Variants in DEPDC1B observed in about 807,000 individuals in gnomAD.
DEPDC1B encodes the protein DEP domain containing 1B, also known as DEP domain-containing protein 1B.
A neutral mutation model predicts 66.5 loss-of-function variants in DEPDC1B; 51 were observed. The observed-to-expected ratio is 0.77, with a 90% CI of 0.61 to 0.97. The LOEUF (loss-of-function observed/expected upper bound fraction) is 0.97, where lower values mean the gene tolerates loss of function less well. Among genes scored for constraint, DEPDC1B ranks in the 50% least tolerant of loss-of-function variants. DEPDC1B has a pLI of 0.00. For missense variants in DEPDC1B, 552 were observed against 637.1 expected (o/e 0.87, Z 1.44); for synonymous variants, 226 against 223.6 (o/e 1.01, Z -0.10).
At position 60,678,290 on chromosome 5, in the gene DEPDC1B, T is replaced by C. The variant is rs1030855316; in HGVS notation, c.314+8672A>G. On this transcript the variant is annotated intron_variant, in intron 2 of 10. Transcript: ENST00000265036. ...CCTTCTGCCACCCAGCGGTGCTACA[T>C]TGTATGGATGTACAATAGTTATCCA... Among the ~76,000 whole-genome samples the C allele has an allele frequency of 7.2e-5, 11 of 152,180 alleles. No individual in the cohort carries two copies. In the South Asian group the frequency reaches 1.2e-3, roughly 17 times the overall value.
intron 2 of DEPDC1B, among the ~76,000 whole-genome samples, chr5:60,666,311 A>C (rs1753839281): frequency 6.6e-6 from 1 of 152,070 alleles, no homozygotes; most frequent in Non-Finnish European, 1.5e-5. Flanking sequence ...CTTCTAATAG[A>C]GCTATAACAC....
chr5:60,660,083 A>G (rs1252606000), intron 2 of DEPDC1B, among the ~76,000 whole-genome samples: 1 of 152,136 alleles, frequency 6.6e-6, no homozygotes, highest in African/African-American at 2.4e-5. Context: ...CTATAGTGGC[A>G]AATGGGGGCA....
chr5:60,663,615 C>CAG (rs1753770882), intron 2 of DEPDC1B, among the ~76,000 whole-genome samples: 1 of 152,206 alleles, frequency 6.6e-6, no homozygotes, highest in Admixed American at 6.5e-5. Flanking sequence ...CTCAACTCAC[C>CAG]TGGACTGTTT....
intron 7 of DEPDC1B, among the ~76,000 whole-genome samples, chr5:60,632,370 G>A (rs961398560): frequency 5.3e-5 from 8 of 152,306 alleles, no homozygotes; most frequent in African/African-American, 1.2e-4. Context: ...GGGGAAAGGC[G>A]GCTGCTGCAA....
chr5:60,687,133 T>C lies in DEPDC1B; in HGVS notation c.143A>G (p.Glu48Gly). The change falls in exon 2 of 11, where the codon GAA becomes GGA. Residue 48 changes from glutamate to glycine, a missense_variant. Physicochemically the swap from Glu to Gly is moderately conservative, Grantham distance 98. Coordinates refer to ENST00000265036, the MANE Select transcript of DEPDC1B (RefSeq NM_018369.3). ...KSYEHCFTAA[E>G]AVDWLHELLR... is the part of the protein sequence containing the mutation. ...CAGCTCATGCAGCCAATCCACAGCT[T>C]CGGCCGCTGTGAAACAATGCTCATA... is the stretch of plus-strand genomic sequence containing the variant. The C allele has an allele frequency of 6.2e-7, 1 of 1,614,176 alleles. No individual in the cohort carries two copies. The highest frequency in any genetic ancestry group is 8.5e-7 in the Non-Finnish European group (1 of 1,180,044).
At chr5:60,631,698 T>C (rs757854500) in intron 7 of DEPDC1B, among the ~76,000 whole-genome samples, 7 of 152,216 alleles carry the variant, frequency 4.6e-5, no homozygotes, top group Non-Finnish European at 8.8e-5. Context: ...TTCTATTACA[T>C]AGAATAAATT....
intron 8 of DEPDC1B, among the ~76,000 whole-genome samples, chr5:60,604,295 A>T (rs1335306217): frequency 8.0e-6 from 1 of 124,814 alleles, no homozygotes; most frequent in Non-Finnish European, 1.6e-5. Context: ...ATCTTGGCTC[A>T]CTGTAACCTC....
At chr5:60,599,302 T>C (rs2111695908) in intron 9 of DEPDC1B, 42 bp from the exon 10 acceptor site, 1 of 1,445,924 alleles carries the variant, frequency 6.9e-7, no homozygotes, top group East Asian at 2.4e-5. Flanking sequence ...TAGCATATTT[T>C]CAAATAAATT....
rs1179721903 is a variant in DEPDC1B at position 60,700,155 on chromosome 5, G to A, written c.-62C>T. The A allele has an allele frequency of 3.3e-6, 5 of 1,512,940 alleles. No homozygotes were observed. Among genetic ancestry groups the A allele is most frequent in the Non-Finnish European group, 3.5e-6 (4 of 1,134,534 alleles). 93.7% of individuals were successfully genotyped at this position (1,512,940 alleles called of 1,614,324 possible). ...CTGATCCCCGCCAGCCGGAGGAGCA[G>A]CAGTTTGAATCCCAAGCCCGCGGGC... On this transcript the variant is annotated 5_prime_UTR_variant, in exon 1 of 11. Transcript: ENST00000265036.
chr5:60,651,661 C>T (rs184204557), intron 2 of DEPDC1B, among the ~76,000 whole-genome samples: 2 of 152,028 alleles, frequency 1.3e-5, no homozygotes, highest in Admixed American at 6.6e-5. Flanking sequence ...GCAACAGGAT[C>T]GGGCAGTGAA....
At chr5:60,685,865 C>T (rs1209852270) in intron 2 of DEPDC1B, among the ~76,000 whole-genome samples, 1 of 152,170 alleles carries the variant, frequency 6.6e-6, no homozygotes, top group South Asian at 2.1e-4. Flanking sequence ...TATCCAATAT[C>T]CTAATTAAAA....
At chr5:60,619,842 A>T (rs1295100024) in intron 7 of DEPDC1B, among the ~76,000 whole-genome samples, 1 of 152,218 alleles carries the variant, frequency 6.6e-6, no homozygotes, top group East Asian at 1.9e-4. Context: ...ATCAATCCTA[A>T]GCCAAAAGAA....
intron 10 of DEPDC1B, 74 bp downstream of exon 10, chr5:60,599,001 C>T (rs1752148575): frequency 8.2e-7 from 1 of 1,226,362 alleles, no homozygotes. Context: ...TTACATGAAG[C>T]CTATTAAAAT....
chr5:60,643,382 C>G (rs1753235318), intron 5 of DEPDC1B, among the ~76,000 whole-genome samples: 1 of 152,168 alleles, frequency 6.6e-6, no homozygotes, highest in East Asian at 1.9e-4. Context: ...AGTATTAGGA[C>G]AACCTTTAAA....
intron 2 of DEPDC1B, among the ~76,000 whole-genome samples, chr5:60,675,827 A>G (rs1378004705): frequency 1.3e-5 from 2 of 151,626 alleles, no homozygotes; most frequent in African/African-American, 2.4e-5. Context: ...CTATTATTCA[A>G]TTAACTCTGT....
chr5:60,675,352 C>G (rs1246882518), intron 2 of DEPDC1B, among the ~76,000 whole-genome samples: 2 of 152,182 alleles, frequency 1.3e-5, no homozygotes, highest in African/African-American at 4.8e-5. Context: ...CATTCTTGAC[C>G]TTTGTGGGAG....
chr5:60,643,642 A>T (rs1209042425), intron 5 of DEPDC1B, among the ~76,000 whole-genome samples: 1 of 152,250 alleles, frequency 6.6e-6, no homozygotes, highest in African/African-American at 2.4e-5. Context: ...ATGATTGATC[A>T]TCTAACTGAT....
At chr5:60,644,201 T>C (rs1753257061) in intron 5 of DEPDC1B, among the ~76,000 whole-genome samples, 2 of 152,212 alleles carry the variant, frequency 1.3e-5, no homozygotes, top group African/African-American at 4.8e-5. Flanking sequence ...CCAAAAACCA[T>C]GTTAGGTGGC....
intron 2 of DEPDC1B, among the ~76,000 whole-genome samples, chr5:60,680,295 T>G (rs1754268684): frequency 6.6e-6 from 1 of 152,198 alleles, no homozygotes; most frequent in Non-Finnish European, 1.5e-5. Context: ...TAGTGCTGAG[T>G]ACATCTCTGT....
Sources: allele counts gnomAD v4.1 joint callset (sites outside exome capture counted in the v4.1 genomes callset), GRCh38; gene constraint gnomAD v4.1.1; transcripts MANE v1.5; gene names NCBI Gene and HGNC (gene_info 2026-07-23, HGNC 2026-07-21).